Variants in DISP1 observed in about 807,000 individuals in gnomAD.
DISP1 encodes protein dispatched homolog 1.
Under a neutral mutation model 37.3 loss-of-function variants are expected in DISP1, and 30 were observed. The observed-to-expected ratio is 0.80, with a 90% CI of 0.60 to 1.09. The LOEUF is 1.09. Ranked by LOEUF, DISP1 falls within the 50% of genes least tolerant of loss-of-function variation. The pLI is 0.00. For missense variants in DISP1, 1,598 were observed against 1,879.5 expected (o/e 0.85, Z 2.77); for synonymous variants, 634 against 690.2 (o/e 0.92, Z 1.28).
intron 3 of DISP1, among the ~76,000 whole-genome samples, chr1:222,956,977 G>A (rs2789931): frequency 0.28 from 41,764 of 151,690 alleles, 5,923 homozygotes; most frequent in South Asian, 0.33. Flanking sequence ...TGTAACACAT[G>A]GGACTGTGCT....
chr1:222,937,707 A>G (rs1269072648), intron 2 of DISP1, among the ~76,000 whole-genome samples: 1 of 150,540 alleles, frequency 6.6e-6, no homozygotes, highest in African/African-American at 2.5e-5. Context: ...TGATATTGGC[A>G]TGTTATATTC....
At chr1:222,948,216 G>C (rs1390527239) in intron 3 of DISP1, among the ~76,000 whole-genome samples, 2 of 152,216 alleles carry the variant, frequency 1.3e-5, no homozygotes, top group African/African-American at 4.8e-5. Flanking sequence ...TGAGGTTGCT[G>C]AGTAATACAT....
At chr1:222,851,982 C>T (rs1410502464) in intron 1 of DISP1, among the ~76,000 whole-genome samples, 2 of 151,936 alleles carry the variant, frequency 1.3e-5, no homozygotes, top group East Asian at 1.9e-4. Flanking sequence ...GTTGAGAGGT[C>T]GAGACCAGCC....
rs182895496 is a variant in DISP1 at position 223,004,319 on chromosome 1, T to C, written c.2922T>C (p.Tyr974=). ...GGTTTGTCAGCAATCTGGAGTTCTA[T>C]GACCTCCAGGATAGCCTCTCCGATG... is the stretch of plus-strand genomic sequence containing the variant. The part of the protein sequence containing the change: ...NGWFVSNLEF[Y]DLQDSLSDGT... Residue 974 remains tyrosine, a synonymous_variant, in exon 9 of 9, where the codon TAT becomes TAC. Coordinates refer to ENST00000675850, the MANE Select transcript of DISP1 (RefSeq NM_001377229.1). The surrounding 1 kb of genome is among the most constrained non-coding windows in gnomAD (Gnocchi z 4.9). The C allele has an allele frequency of 3.2e-4, 513 of 1,614,178 alleles. 3 individuals carry two copies. In the East Asian group the frequency reaches 9.2e-3, roughly 29 times the overall value.
chr1:222,997,876 G>A (rs1408799763), intron 8 of DISP1, among the ~76,000 whole-genome samples: 6 of 152,254 alleles, frequency 3.9e-5, no homozygotes, highest in African/African-American at 1.4e-4. Flanking sequence ...GTGTCAAAAT[G>A]AATGGTTGGT....
chr1:222,995,663 A>G (rs1285915794), intron 8 of DISP1, among the ~76,000 whole-genome samples: 3 of 152,186 alleles, frequency 2.0e-5, no homozygotes, highest in African/African-American at 7.2e-5. Flanking sequence ...AGAGCTGTCA[A>G]TTTCATATGT....
chr1:222,941,915 CTT>C (rs369312758), intron 2 of DISP1, among the ~76,000 whole-genome samples: 18 of 139,546 alleles, frequency 1.3e-4, no homozygotes, highest in East Asian at 4.1e-4. Flanking sequence ...TTTGATGACC[CTT>C]TTTTTTTTTT....
At chr1:222,870,033 T>G (rs999972257) in intron 1 of DISP1, among the ~76,000 whole-genome samples, 9 of 151,784 alleles carry the variant, frequency 5.9e-5, no homozygotes, top group Middle Eastern at 3.2e-3. Flanking sequence ...AATGAGAACA[T>G]GCGGTGTTTG....
chr1:222,970,794 G>C (rs1487220073), intron 3 of DISP1, among the ~76,000 whole-genome samples: 1 of 152,100 alleles, frequency 6.6e-6, no homozygotes, highest in Non-Finnish European at 1.5e-5. Flanking sequence ...TCTAAAAGTT[G>C]TCACATAGTA....
chr1:222,820,081 C>G (rs994573389), intron 1 of DISP1, among the ~76,000 whole-genome samples: 1 of 152,110 alleles, frequency 6.6e-6, no homozygotes, highest in African/African-American at 2.4e-5. Flanking sequence ...GAGGCCAGAT[C>G]TCCTTGTTTT....
Position 223,003,987 on chromosome 1 carries a change from G to C in DISP1, c.2590G>C (p.Asp864His), listed in dbSNP as rs1201123921. The C allele has an allele frequency of 6.2e-7, 1 of 1,614,132 alleles. No individual in the cohort carries two copies. Among genetic ancestry groups the C allele is most frequent in the Admixed American group, 1.7e-5 (1 of 60,016 alleles). The change falls in exon 9 of 9, where the codon GAC (aspartate) becomes CAC (histidine). Residue 864 changes from aspartate to histidine, a missense_variant. By Grantham distance (81) the Asp-to-His change is moderately conservative. Coordinates refer to ENST00000675850, the MANE Select transcript of DISP1 (RefSeq NM_001377229.1). This position sits in a 1 kb window ranked among gnomAD's most constrained non-coding sequence, Gnocchi z 4.3. The part of the protein sequence containing the change: ...ETFKQWMENQ[D>H]CDEPALYPCC... Reference sequence around the variant, plus strand: ...ATTCAAACAGTGGATGGAAAACCAGGACTGTGATGAGCCTGCCCTGTACCC... The same window carrying C: ...ATTCAAACAGTGGATGGAAAACCAGCACTGTGATGAGCCTGCCCTGTACCC...
At chr1:222,826,663 A>G (rs1051054142) in intron 1 of DISP1, among the ~76,000 whole-genome samples, 1 of 152,032 alleles carries the variant, frequency 6.6e-6, no homozygotes, top group African/African-American at 2.4e-5. Context: ...CCTGGTATTT[A>G]TAGACATGAG....
chr1:222,831,300 A>G (rs1396964345), intron 1 of DISP1, among the ~76,000 whole-genome samples: 1 of 152,240 alleles, frequency 6.6e-6, no homozygotes, highest in African/African-American at 2.4e-5. Flanking sequence ...CACATGTGGA[A>G]TCATAAATTA....
rs2102798646 is a variant in DISP1 at position 223,003,194 on chromosome 1, C to T, written c.1797C>T (p.Ile599=). ...PHAETSETVS[I]TLQHAALSMF... ...CCGAAACCTCAGAAACAGTAAGCAT[C>T]ACCTTGCAGCACGCTGCCCTCTCCA... is the stretch of plus-strand genomic sequence containing the variant. Residue 599 remains isoleucine (I), a synonymous_variant, in exon 9 of 9, where the codon ATC becomes ATT. Coordinates refer to ENST00000675850, the MANE Select transcript of DISP1 (RefSeq NM_001377229.1). The surrounding 1 kb of genome is among the most constrained non-coding windows in gnomAD (Gnocchi z 4.3). 6.2e-7 allele frequency: 1 copy of T among 1,614,206 alleles called. No individual in the cohort carries two copies. Among genetic ancestry groups the T allele is most frequent in the East Asian group, 2.2e-5 (1 of 44,878 alleles).
intron 1 of DISP1, among the ~76,000 whole-genome samples, chr1:222,909,232 A>G (rs1672079144): frequency 6.6e-6 from 1 of 152,162 alleles, no homozygotes; most frequent in South Asian, 2.1e-4. Context: ...GTATGTAGAG[A>G]ACAGAGGAAG....
At chr1:222,996,864 T>C (rs1679110207) in intron 8 of DISP1, among the ~76,000 whole-genome samples, 2 of 152,172 alleles carry the variant, frequency 1.3e-5, no homozygotes, top group African/African-American at 4.8e-5. Flanking sequence ...AAATGAAGCT[T>C]AAAAAGTCAC....
At chr1:222,849,492 T>TA (rs139829307) in intron 1 of DISP1, among the ~76,000 whole-genome samples, 6,627 of 149,294 alleles carry the variant, frequency 0.044, 425 homozygotes, top group African/African-American at 0.14. Context: ...TCACTGTACC[T>TA]AAAAAAAAAA....
intron 2 of DISP1, among the ~76,000 whole-genome samples, chr1:222,936,794 A>G (rs1160166896): frequency 1.3e-5 from 1 of 75,576 alleles, no homozygotes; most frequent in Non-Finnish European, 2.3e-5. Context: ...TAATATATAT[A>G]ATATATTATA....
intron 2 of DISP1, among the ~76,000 whole-genome samples, chr1:222,939,382 T>TA (rs1304967468): frequency 8.1e-6 from 1 of 123,264 alleles, no homozygotes; most frequent in East Asian, 2.1e-4. Flanking sequence ...TTTTTTTTTT[T>TA]ACTGAGGATA....
Sources: allele counts gnomAD v4.1 joint callset (sites outside exome capture counted in the v4.1 genomes callset), GRCh38; gene constraint gnomAD v4.1.1; non-coding constraint Gnocchi (gnomAD v3.1); transcripts MANE v1.5; gene names NCBI Gene and HGNC (gene_info 2026-07-23, HGNC 2026-07-21).